CCBE1: variants seen among roughly 807,000 people sequenced by gnomAD.
CCBE1 encodes collagen and calcium-binding EGF domain-containing protein 1.
In CCBE1, 37 loss-of-function variants were observed where a neutral mutation model predicts 50.0. The observed-to-expected ratio is 0.74, with a 90% CI of 0.57 to 0.97. CCBE1 has a LOEUF of 0.97. Among genes scored for constraint, CCBE1 ranks in the 50% least tolerant of loss-of-function variants. The probability of loss-of-function intolerance (pLI) is 0.00; values close to 1 mark genes in which losing one functional copy is unlikely to be tolerated. For synonymous variants in CCBE1, 234 were observed against 203.7 expected, an observed-to-expected ratio of 1.15 and a Z score of -1.27; for missense variants, 538 against 523.8, an observed-to-expected ratio of 1.03 and a Z score of -0.26.
intron 2 of CCBE1, among the ~76,000 whole-genome samples, chr18:59,561,209 T>C (rs1039845480): frequency 2.0e-5 from 3 of 152,216 alleles, no homozygotes; most frequent in African/African-American, 4.8e-5. Flanking sequence ...AGCTCATGTA[T>C]GTAATGGGCC....
chr18:59,597,653 G>C (rs1166035567), intron 2 of CCBE1, among the ~76,000 whole-genome samples: 1 of 152,178 alleles, frequency 6.6e-6, no homozygotes, highest in African/African-American at 2.4e-5. Context: ...AGTAGGTCTG[G>C]TATCGGTCAT....
intron 2 of CCBE1, among the ~76,000 whole-genome samples, chr18:59,568,015 A>T (rs766053685): frequency 6.6e-6 from 1 of 151,858 alleles, no homozygotes. Flanking sequence ...TTCTTTTTCT[A>T]TTTTTTTAAG....
intron 2 of CCBE1, among the ~76,000 whole-genome samples, chr18:59,602,465 A>G (rs943523499): frequency 1.4e-4 from 22 of 152,324 alleles, no homozygotes; most frequent in African/African-American, 4.8e-4. Context: ...GTATGTATGC[A>G]AAGTATAAAT....
At chr18:59,468,645 TAGAG>T (rs149468256) in intron 4 of CCBE1, among the ~76,000 whole-genome samples, 3,370 of 152,128 alleles carry the variant, frequency 0.022, 151 homozygotes, top group East Asian at 0.22. Context: ...CCTGCTAGGA[TAGAG>T]AAAGAGGGAT....
chr18:59,635,881 G>T (rs2053909727), intron 2 of CCBE1, among the ~76,000 whole-genome samples: 2 of 152,164 alleles, frequency 1.3e-5, no homozygotes, highest in East Asian at 3.8e-4. Context: ...CAAATTCTAA[G>T]CTGCATGTGA....
chr18:59,604,611 C>T (rs1023865575), intron 2 of CCBE1, among the ~76,000 whole-genome samples: 2 of 152,094 alleles, frequency 1.3e-5, no homozygotes, highest in Non-Finnish European at 2.9e-5. Flanking sequence ...AACAGAAAAA[C>T]GTGAATTAAA....
chr18:59,609,464 C>T (rs75075578), intron 2 of CCBE1, among the ~76,000 whole-genome samples: 143 of 152,328 alleles, frequency 9.4e-4, no homozygotes, highest in African/African-American at 3.3e-3. Context: ...AGTTCCATTG[C>T]TCAACCAGTA....
At chr18:59,443,330 C>T (rs1382307512) in intron 7 of CCBE1, among the ~76,000 whole-genome samples, 1 of 152,176 alleles carries the variant, frequency 6.6e-6, no homozygotes, top group Non-Finnish European at 1.5e-5. Flanking sequence ...GTCTGTGGGG[C>T]AGCACCTGGG....
intron 2 of CCBE1, among the ~76,000 whole-genome samples, chr18:59,658,879 C>CAAAAAAAAAA (rs61226521): frequency 1.8e-5 from 1 of 54,732 alleles, no homozygotes; most frequent in African/African-American, 6.5e-5. Flanking sequence ...GACTCTGTCT[C>CAAAAAAAAAA]AAAAAAAAAA....
At chr18:59,607,300 GA>G (rs2053511547) in intron 2 of CCBE1, among the ~76,000 whole-genome samples, 1 of 152,200 alleles carries the variant, frequency 6.6e-6, no homozygotes, top group Middle Eastern at 3.2e-3. Context: ...TGAATGGCAT[GA>G]AAGCCCTCTT....
intron 2 of CCBE1, among the ~76,000 whole-genome samples, chr18:59,492,146 A>G (rs1913138652): frequency 4.3e-5 from 1 of 23,034 alleles, no homozygotes; most frequent in Admixed American, 5.2e-4. Flanking sequence ...CTTTGTCTCA[A>G]AAAAAAAAAA....
chr18:59,515,742 G>A (rs1009388857), intron 2 of CCBE1, among the ~76,000 whole-genome samples: 1 of 152,150 alleles, frequency 6.6e-6, no homozygotes, highest in East Asian at 1.9e-4. Context: ...GAGGAGACAG[G>A]CTGAGGTGTC....
intron 2 of CCBE1, among the ~76,000 whole-genome samples, chr18:59,678,989 T>C (rs1052159657): frequency 2.6e-5 from 4 of 152,228 alleles, no homozygotes; most frequent in Non-Finnish European, 4.4e-5. Flanking sequence ...AAATAAAATG[T>C]TAGCTTCCCT....
In CCBE1 at chr18:59,696,621, A is replaced by T; in HGVS notation, c.212+8T>A. On this transcript the variant is annotated splice_region_variant and intron_variant, in intron 2 of 10. Transcript: ENST00000439986. ...GTGGCGAACAGCCCGCAGAGCCCCC[A>T]GGCTTACCTGTAGCATGTGGTGAGC... 7 of 1,613,770 alleles carry T rather than the reference A, an allele frequency of 4.3e-6. No individual in the cohort carries two copies. Among genetic ancestry groups the T allele is most frequent in the Non-Finnish European group, 5.9e-6 (7 of 1,179,906 alleles).
intron 2 of CCBE1, among the ~76,000 whole-genome samples, chr18:59,485,224 TC>T (rs1375026520): frequency 6.6e-6 from 1 of 152,034 alleles, no homozygotes; most frequent in Non-Finnish European, 1.5e-5. Flanking sequence ...CTGTGGAGTT[TC>T]CCCCTGGGTG....
chr18:59,557,209 T>C (rs2052667781), intron 2 of CCBE1, among the ~76,000 whole-genome samples: 1 of 152,242 alleles, frequency 6.6e-6, no homozygotes, highest in African/African-American at 2.4e-5. Context: ...CTAGAGCCTC[T>C]GGGAGACTGG....
At chr18:59,478,890 A>G (rs1226034708) in intron 3 of CCBE1, among the ~76,000 whole-genome samples, 1 of 152,188 alleles carries the variant, frequency 6.6e-6, no homozygotes, top group Non-Finnish European at 1.5e-5. Flanking sequence ...GCAGAGAGAA[A>G]TTCAGCTTAG....
At chr18:59,481,042 A>G (rs1912547671) in intron 2 of CCBE1, among the ~76,000 whole-genome samples, 1 of 152,242 alleles carries the variant, frequency 6.6e-6, no homozygotes. Flanking sequence ...ATATGTTGGA[A>G]TTATCAGACT....
In CCBE1 at chr18:59,466,810, C is replaced by CA; in HGVS notation, c.481dup (p.Cys161LeufsTer10). 6.2e-7 allele frequency: 1 copy of CA among 1,613,812 alleles called. No individual in the cohort carries two copies. The highest frequency in any genetic ancestry group is 8.5e-7 in the Non-Finnish European group (1 of 1,179,926). Reference sequence around the variant, plus strand: ...ATCTTCCCGGATGTAGCCTTCCCGGCACTCGCAGCGGTAGCTGCCCAAGGT... The same window carrying CA: ...ATCTTCCCGGATGTAGCCTTCCCGGCAACTCGCAGCGGTAGCTGCCCAAGGT... On this transcript the variant is annotated frameshift_variant, in exon 5 of 11. Transcript: ENST00000439986. LOFTEE classifies it high-confidence loss of function.
Sources: gnomAD v4.1 joint callset for allele counts (sites outside exome capture counted in the v4.1 genomes callset) on GRCh38, gnomAD v4.1.1 for gene constraint, MANE v1.5 for transcripts, NCBI Gene and HGNC (gene_info 2026-07-23, HGNC 2026-07-21) for gene names.